The following MYH10 variants were observed in gnomAD, a reference collection of about 807,000 sequenced individuals.
MYH10 encodes myosin heavy chain 10.
MYH10 carries 55 observed loss-of-function variants against 257.8 expected under a neutral mutation model. The ratio of observed to expected loss-of-function variants is 0.21; its 90% CI spans 0.17 to 0.27. MYH10 has a LOEUF of 0.27. Ranked by LOEUF, MYH10 falls within the 10% of genes least tolerant of loss-of-function variation. The pLI is 1.00. For missense variants in MYH10, 1,631 were observed against 2,500.6 expected, an observed-to-expected ratio of 0.65 and a Z score of 7.42; for synonymous variants, 854 against 921.7, an observed-to-expected ratio of 0.93 and a Z score of 1.33.
At chr17:8,520,840 T>C in intron 19 of MYH10, 38 bp downstream of exon 19, 1 of 1,567,590 alleles carries the variant, frequency 6.4e-7, no homozygotes, top group South Asian at 1.2e-5. Flanking sequence ...CAAGATAAAC[T>C]CTGATACATA....
chr17:8,546,441 G>A, intron 12 of MYH10, 103 bp downstream of exon 12: 4 of 893,620 alleles, frequency 4.5e-6, no homozygotes, highest in South Asian at 3.6e-5. Context: ...ACCCATGTAA[G>A]ACAGTTTATA....
chr17:8,523,259 A>G (rs1173158496), intron 17 of MYH10, among the ~76,000 whole-genome samples: 1 of 152,176 alleles, frequency 6.6e-6, no homozygotes, highest in East Asian at 1.9e-4. Context: ...GTTCAATCCT[A>G]GCATGTCTGC....
chr17:8,621,540 T>C (rs2085468024), intron 2 of MYH10, among the ~76,000 whole-genome samples: 1 of 152,186 alleles, frequency 6.6e-6, no homozygotes, highest in African/African-American at 2.4e-5. Context: ...CACGTGGTTA[T>C]TCAATCTCAG....
chr17:8,603,156 T>C (rs1455660678), intron 3 of MYH10, among the ~76,000 whole-genome samples: 1 of 152,188 alleles, frequency 6.6e-6, no homozygotes, highest in Non-Finnish European at 1.5e-5. Flanking sequence ...TGTCAAGAGA[T>C]TTTTAAATCC....
chr17:8,551,527 CT>C (rs2082643960), intron 9 of MYH10, among the ~76,000 whole-genome samples: 1 of 152,144 alleles, frequency 6.6e-6, no homozygotes. Context: ...CAATATATTT[CT>C]AACCCAGCAA....
intron 42 of MYH10, 149 bp from the exon 43 acceptor site, chr17:8,476,097 G>A: frequency 4.3e-6 from 4 of 932,118 alleles, no homozygotes; most frequent in Non-Finnish European, 6.3e-6. Context: ...CGATGGGGAA[G>A]GACTGCGTGC....
At chr17:8,622,009 C>A (rs1403880558) in intron 2 of MYH10, among the ~76,000 whole-genome samples, 2 of 152,190 alleles carry the variant, frequency 1.3e-5, no homozygotes, top group East Asian at 3.8e-4. Flanking sequence ...TAAACTAATT[C>A]TGTAGGAAAA....
intron 28 of MYH10, among the ~76,000 whole-genome samples, chr17:8,502,412 C>A (rs1464680135): frequency 6.6e-6 from 1 of 152,062 alleles, no homozygotes; most frequent in African/African-American, 2.4e-5. Flanking sequence ...AGGCTCCCAT[C>A]GAGATTGTTT....
At chr17:8,575,056 T>C (rs116765304) in intron 6 of MYH10, among the ~76,000 whole-genome samples, 172 of 152,340 alleles carry the variant, frequency 1.1e-3, no homozygotes, top group African/African-American at 3.9e-3. Flanking sequence ...GCACTGAAGA[T>C]TGTGTGCACA....
At chr17:8,566,353 T>C (rs2083167584) in intron 7 of MYH10, among the ~76,000 whole-genome samples, 2 of 152,258 alleles carry the variant, frequency 1.3e-5, no homozygotes, top group South Asian at 2.1e-4. Context: ...GTATAACCAA[T>C]AGAAGACAAT....
At chr17:8,566,321 C>T (rs558065785) in intron 7 of MYH10, among the ~76,000 whole-genome samples, 42 of 152,328 alleles carry the variant, frequency 2.8e-4, no homozygotes, top group African/African-American at 9.9e-4. Context: ...AGTTCCCTCC[C>T]ACACAGTATC....
chr17:8,611,223 CA>C (rs2085026633), intron 2 of MYH10, among the ~76,000 whole-genome samples: 1 of 152,230 alleles, frequency 6.6e-6, no homozygotes, highest in South Asian at 2.1e-4. Flanking sequence ...AGCCCTCACA[CA>C]GCGTGAAGCC....
intron 28 of MYH10, among the ~76,000 whole-genome samples, chr17:8,503,961 AC>A (rs1266339100): frequency 2.0e-5 from 3 of 151,576 alleles, no homozygotes; most frequent in Admixed American, 6.6e-5. Context: ...AAGCTGGCAC[AC>A]CCCCCATGCT....
intron 21 of MYH10, among the ~76,000 whole-genome samples, chr17:8,517,987 G>A (rs955112164): frequency 1.3e-5 from 2 of 150,302 alleles, no homozygotes; most frequent in African/African-American, 4.9e-5. Flanking sequence ...CATTCTCTGA[G>A]GACTTGAGCT....
chr17:8,630,635 G>A lies in MYH10; in HGVS notation c.-32+19C>T, dbSNP rs553860655. On this transcript the variant is annotated intron_variant, in intron 1 of 42. Coordinates refer to ENST00000360416, the MANE Select transcript of MYH10 (RefSeq NM_001256012.3). ...AGCCCTGGGCCGTGCACTCGGACCCGGGTAGCCGCACCTCTCACCTTCAGC... is the reference window on the plus strand; with the variant it reads ...AGCCCTGGGCCGTGCACTCGGACCCAGGTAGCCGCACCTCTCACCTTCAGC... 102 of 152,786 alleles carry A rather than the reference G, an allele frequency of 6.7e-4. 1 individual carries two copies. The highest frequency in any genetic ancestry group is 2.1e-3 in the African/African-American group (88 of 41,528). 9.5% of individuals were successfully genotyped at this position (152,786 alleles called of 1,614,324 possible).
Position 8,475,813 on chromosome 17 carries a change from C to T in MYH10, c.6015G>A (p.Gln2005=), listed in dbSNP as rs1912479947. ...CTGGCTTCCTGCAACTTTACTCTGA[C>T]TGGGGTGGCTGCGTCTCGTTGACAT... ...TSDVNETQPP[Q]SE is the part of the protein sequence containing the mutation. Residue 2005 remains glutamine, a synonymous_variant, in exon 43 of 43, where the codon CAG becomes CAA. Transcript: ENST00000360416. The T allele has an allele frequency of 6.2e-7, 1 of 1,614,086 alleles. No individual in the cohort carries two copies. The highest frequency in any genetic ancestry group is 8.5e-7 in the Non-Finnish European group (1 of 1,179,964).
intron 31 of MYH10, 89 bp downstream of exon 31, chr17:8,495,048 A>G: frequency 1.2e-6 from 1 of 800,924 alleles, no homozygotes; most frequent in Non-Finnish European, 2.1e-6. Flanking sequence ...GGTGACACAG[A>G]AGGCAATTCT....
rs1597626340 is a variant in MYH10 at position 8,490,612 on chromosome 17, C to T, written c.4672-60G>A. 3 of 1,551,218 alleles carry T rather than the reference C, an allele frequency of 1.9e-6. No individual in the cohort carries two copies. Among genetic ancestry groups the T allele is most frequent in the Non-Finnish European group, 2.7e-6 (3 of 1,124,598 alleles). ...GGGTGGAGGCACATATGAAGAACAG[C>T]AGTCTTACTGTTTTACAGGCCCACT... On this transcript the variant is annotated intron_variant, in intron 34 of 42. Coordinates refer to ENST00000360416, the MANE Select transcript of MYH10 (RefSeq NM_001256012.3). This position sits in a 1 kb window ranked among gnomAD's most constrained non-coding sequence, Gnocchi z 4.1.
At chr17:8,578,247 T>TC (rs1380565574) in intron 4 of MYH10, among the ~76,000 whole-genome samples, 4 of 143,458 alleles carry the variant, frequency 2.8e-5, no homozygotes, top group Admixed American at 6.8e-5. Context: ...TTCTTTCTTT[T>TC]TTTTTTTTTT....
Sources: allele counts gnomAD v4.1 joint callset (sites outside exome capture counted in the v4.1 genomes callset), GRCh38; gene constraint gnomAD v4.1.1; non-coding constraint Gnocchi (gnomAD v3.1); transcripts MANE v1.5; gene names NCBI Gene and HGNC (gene_info 2026-07-23, HGNC 2026-07-21).